PLCB1: variants seen among roughly 807,000 people sequenced by gnomAD.
PLCB1 encodes the protein phospholipase C beta 1.
In PLCB1, 46 loss-of-function variants were observed where a neutral mutation model predicts 161.8. That is an observed-to-expected ratio of 0.28 (90% CI 0.22 to 0.36). The LOEUF (loss-of-function observed/expected upper bound fraction) is 0.36. Ranked by LOEUF, PLCB1 falls within the 10% of genes least tolerant of loss-of-function variation. The pLI is 1.00. For missense variants in PLCB1, 1,016 were observed against 1,472.5 expected (o/e 0.69, Z 5.07); for synonymous variants, 517 against 503.7 (o/e 1.03, Z -0.35).
chr20:8,807,033 T>C (rs1305014310), intron 31 of PLCB1, among the ~76,000 whole-genome samples: 2 of 152,196 alleles, frequency 1.3e-5, no homozygotes, highest in Non-Finnish European at 2.9e-5. Context: ...TCCCGAGGGC[T>C]GTTGTGTGTC....
In PLCB1 at chr20:8,881,440, T is replaced by C. The variant is rs556875534; in HGVS notation, c.3424-182T>C. 1.4e-4 allele frequency among the ~76,000 whole-genome samples: 21 copies of C among 152,202 alleles called. No individual in the cohort carries two copies. In the East Asian group the frequency reaches 3.7e-3, roughly 27 times the overall value. On this transcript the variant is annotated intron_variant, in intron 31 of 31. Transcript: ENST00000338037. ...ACATAACTTGAAGTTGACTTTCAGCTACAGACAAATGATGTGTCCAACTAA... is the reference window on the plus strand; with the variant it reads ...ACATAACTTGAAGTTGACTTTCAGCCACAGACAAATGATGTGTCCAACTAA...
intron 2 of PLCB1, among the ~76,000 whole-genome samples, chr20:8,320,877 A>G (rs1472077341): frequency 2.0e-5 from 3 of 151,664 alleles, no homozygotes; most frequent in African/African-American, 7.3e-5. Context: ...AAAGAAAGAA[A>G]AAGGAAAGAA....
intron 9 of PLCB1, among the ~76,000 whole-genome samples, chr20:8,683,067 T>G (rs1207342755): frequency 6.6e-6 from 1 of 152,104 alleles, no homozygotes; most frequent in Non-Finnish European, 1.5e-5. Context: ...TTGCATATTT[T>G]ATGCTATAGT....
chr20:8,562,480 G>C (rs1276052894), intron 3 of PLCB1, among the ~76,000 whole-genome samples: 4 of 152,092 alleles, frequency 2.6e-5, no homozygotes, highest in East Asian at 3.9e-4. Flanking sequence ...CCGGCAGAAA[G>C]CCGGTTAAGT....
At chr20:8,774,516 A>G (rs767800734) in intron 26 of PLCB1, 23 bp from the exon 27 acceptor site, 64 of 1,568,012 alleles carry the variant, frequency 4.1e-5, no homozygotes, top group Non-Finnish European at 5.6e-5. Context: ...CTGTTTTGTG[A>G]GTCAAACTCT....
At chr20:8,577,580 A>C (rs1986715183) in intron 3 of PLCB1, among the ~76,000 whole-genome samples, 1 of 152,136 alleles carries the variant, frequency 6.6e-6, no homozygotes. Flanking sequence ...CCCCCACGAT[A>C]TGTGTCCTAG....
intron 23 of PLCB1, among the ~76,000 whole-genome samples, chr20:8,750,128 A>G (rs17446965): frequency 0.039 from 5,891 of 152,282 alleles, 164 homozygotes; most frequent in Non-Finnish European, 0.06. Flanking sequence ...TGTTCAACAA[A>G]ATGATACCAT....
At chr20:8,525,479 G>A (rs6118233) in intron 3 of PLCB1, among the ~76,000 whole-genome samples, 7 of 152,114 alleles carry the variant, frequency 4.6e-5, no homozygotes, top group Non-Finnish European at 7.4e-5. Flanking sequence ...ATCTCAATTA[G>A]GCTGATTAAT....
chr20:8,374,355 C>G (rs1568651773), intron 3 of PLCB1, among the ~76,000 whole-genome samples: 1 of 152,212 alleles, frequency 6.6e-6, no homozygotes. Flanking sequence ...CCTCCCCAGC[C>G]ATGCAAAACT....
At chr20:8,666,495 T>A (rs539230567) in intron 9 of PLCB1, among the ~76,000 whole-genome samples, 68 of 152,232 alleles carry the variant, frequency 4.5e-4, no homozygotes, top group Non-Finnish European at 8.1e-4. Context: ...TTGTTTCCAA[T>A]CACGAAGCCC....
chr20:8,432,126 G>T (rs1308733536), intron 3 of PLCB1, among the ~76,000 whole-genome samples: 2 of 152,052 alleles, frequency 1.3e-5, no homozygotes, highest in Non-Finnish European at 2.9e-5. Flanking sequence ...ACATGGCCAC[G>T]AAAAATCTGG....
rs142759791 is a variant in PLCB1 at position 8,400,428 on chromosome 20, G to A, written c.246+28978G>A. ...AGTCCATGTGGGTAGCAGTGGAATT[G>A]GTCTGATGTAATGTTTTTAAATTGT... On this transcript the variant is annotated intron_variant, in intron 3 of 31. Coordinates refer to ENST00000338037, the MANE Select transcript of PLCB1 (RefSeq NM_015192.4). Among the ~76,000 whole-genome samples the A allele has an allele frequency of 5.6e-3, 848 of 152,104 alleles. 7 individuals carry two copies. Among genetic ancestry groups the A allele is most frequent in the African/African-American group, 0.019 (798 of 41,514 alleles).
At chr20:8,471,738 T>C (rs1007674615) in intron 3 of PLCB1, among the ~76,000 whole-genome samples, 5 of 152,132 alleles carry the variant, frequency 3.3e-5, no homozygotes, top group Non-Finnish European at 5.9e-5. Context: ...CTAAATTTAA[T>C]ACATGCTGCT....
intron 3 of PLCB1, among the ~76,000 whole-genome samples, chr20:8,590,770 C>T (rs1240380694): frequency 6.6e-6 from 1 of 152,150 alleles, no homozygotes; most frequent in Non-Finnish European, 1.5e-5. Flanking sequence ...CTCTAAAGGG[C>T]CCTCTTGATT....
chr20:8,713,468 C>T (rs902152825), intron 12 of PLCB1, among the ~76,000 whole-genome samples: 12 of 152,148 alleles, frequency 7.9e-5, no homozygotes, highest in Admixed American at 4.6e-4. Flanking sequence ...CAGACGTGAG[C>T]CACCATACCC....
At chr20:8,323,286 CAT>C (rs1187644703) in intron 2 of PLCB1, among the ~76,000 whole-genome samples, 1 of 152,144 alleles carries the variant, frequency 6.6e-6, no homozygotes, top group Non-Finnish European at 1.5e-5. Context: ...TGCTGTATAA[CAT>C]AACATCCCAA....
At chr20:8,196,654 A>T (rs1020306419) in intron 2 of PLCB1, among the ~76,000 whole-genome samples, 3 of 149,176 alleles carry the variant, frequency 2.0e-5, no homozygotes, top group African/African-American at 7.4e-5. Context: ...TTTTCTTTAT[A>T]TATATATATA....
At chr20:8,629,694 G>A (rs1043544162) in intron 4 of PLCB1, among the ~76,000 whole-genome samples, 9 of 152,170 alleles carry the variant, frequency 5.9e-5, no homozygotes, top group African/African-American at 2.2e-4. Context: ...ATGTCAGTGT[G>A]CATTGTCTAA....
At chr20:8,188,504 G>C (rs1366314555) in intron 2 of PLCB1, among the ~76,000 whole-genome samples, 1 of 152,150 alleles carries the variant, frequency 6.6e-6, no homozygotes. Context: ...ATTAGCAGAG[G>C]AGATGCATTT....
Sources: allele counts gnomAD v4.1 joint callset (sites outside exome capture counted in the v4.1 genomes callset), GRCh38; gene constraint gnomAD v4.1.1; transcripts MANE v1.5; gene names NCBI Gene and HGNC (gene_info 2026-07-23, HGNC 2026-07-21).